Variants in ERAP1 observed in about 807,000 individuals in gnomAD.
ERAP1 encodes adipocyte-derived leucine aminopeptidase.
In ERAP1, 86 loss-of-function variants were observed where a neutral mutation model predicts 103.7. The observed-to-expected ratio is 0.83, with a 90% CI of 0.70 to 0.99. The LOEUF (loss-of-function observed/expected upper bound fraction) is 0.99, where lower values mean the gene tolerates loss of function less well. Ranked by LOEUF, ERAP1 falls within the 50% of genes least tolerant of loss-of-function variation. ERAP1 has a pLI of 0.00. For synonymous variants in ERAP1, 398 were observed against 402.4 expected (o/e 0.99, Z 0.13); for missense variants, 1,009 against 1,128.4 (o/e 0.89, Z 1.52).
At chr5:96,826,625 T>C in the ERAP1 span, among the ~76,000 whole-genome samples, 1 of 152,206 alleles carries the variant, frequency 6.6e-6, no homozygotes, top group Non-Finnish European at 1.5e-5. Context: ...TGGTGTTTTT[T>C]AGACATGCAA....
chr5:96,933,744 A>C, the ERAP1 span, among the ~76,000 whole-genome samples: 1 of 152,238 alleles, frequency 6.6e-6, no homozygotes, highest in Non-Finnish European at 1.5e-5. Context: ...AAGGAACTTC[A>C]AGGGAACATG....
the ERAP1 span, among the ~76,000 whole-genome samples, chr5:96,834,542 G>A: frequency 6.6e-6 from 1 of 152,206 alleles, no homozygotes; most frequent in Non-Finnish European, 1.5e-5. Flanking sequence ...TGAGTTTGAT[G>A]TATGTGAACT....
At chr5:96,924,367 G>A in the ERAP1 span, among the ~76,000 whole-genome samples, 2 of 152,208 alleles carry the variant, frequency 1.3e-5, no homozygotes, top group Non-Finnish European at 2.9e-5. Context: ...TCAGCTGAGA[G>A]TCAGCCAAGA....
rs770399767 is a variant in ERAP1 at position 96,780,408 on chromosome 5, A to T, written c.2670+15T>A. ...TTTATGTTTAAAAATATATATATAG[A>T]TTTTTTTTTTTTACCTCTTCAAGCC... On this transcript the variant is annotated intron_variant, in intron 18 of 18. Coordinates refer to ENST00000443439, the MANE Select transcript of ERAP1 (RefSeq NM_001040458.3). The T allele has an allele frequency of 1.4e-6, 2 of 1,387,642 alleles. No homozygotes were observed. The highest frequency in any genetic ancestry group is 2.7e-5 in the South Asian group (2 of 73,798). 86.0% of individuals were successfully genotyped at this position (1,387,642 alleles called of 1,614,324 possible). A position where few individuals can be genotyped will look rare whatever the true frequency, so the allele number is the denominator to read the frequency against.
intron 10 of ERAP1, among the ~76,000 whole-genome samples, chr5:96,790,083 C>A (rs1244230158): frequency 1.3e-5 from 2 of 152,174 alleles, no homozygotes; most frequent in East Asian, 3.8e-4. Flanking sequence ...CAGTGAGAAG[C>A]ATTACCAAGG....
At chr5:96,836,662 A>G in the ERAP1 span, among the ~76,000 whole-genome samples, 2 of 152,202 alleles carry the variant, frequency 1.3e-5, no homozygotes, top group Non-Finnish European at 2.9e-5. Flanking sequence ...ATCCCCAACC[A>G]CCAACTAATA....
the ERAP1 span, among the ~76,000 whole-genome samples, chr5:96,852,037 C>T: frequency 6.6e-6 from 1 of 152,284 alleles, no homozygotes; most frequent in African/African-American, 2.4e-5. Context: ...GGGCAAATAG[C>T]CCCCAACCCC....
chr5:96,773,982 T>C (rs1425978400), downstream of ERAP1: 1 of 152,316 alleles, frequency 6.6e-6, no homozygotes, highest in Non-Finnish European at 1.5e-5. Flanking sequence ...TCTCTGAAAG[T>C]CATGCACATA....
the ERAP1 span, chr5:96,892,445 G>A: frequency 9.9e-6 from 16 of 1,613,738 alleles, no homozygotes; most frequent in Non-Finnish European, 1.3e-5. Context: ...CCATGAACTG[G>A]CGCACCAGGT....
chr5:96,802,151 C>G (rs1778082504), intron 2 of ERAP1, among the ~76,000 whole-genome samples: 1 of 152,026 alleles, frequency 6.6e-6, no homozygotes, highest in African/African-American at 2.4e-5. Flanking sequence ...TACTTCTAGG[C>G]ATTTATTCTA....
intron 13 of ERAP1, chr5:96,784,818 T>C (rs1175497478): frequency 6.6e-6 from 1 of 152,428 alleles, no homozygotes; most frequent in East Asian, 1.9e-4. Context: ...TAGAAACCCT[T>C]CATTACAGAG....
the ERAP1 span, among the ~76,000 whole-genome samples, chr5:96,933,937 C>CT: frequency 2.6e-5 from 4 of 152,142 alleles, no homozygotes; most frequent in Admixed American, 6.5e-5. Context: ...TTCTGATTAC[C>CT]TTTCACACAT....
At chr5:96,886,826 A>C in the ERAP1 span, 3 of 1,370,206 alleles carry the variant, frequency 2.2e-6, no homozygotes, top group South Asian at 6.4e-5. Context: ...CAGTGCAGAA[A>C]AGTGTCCTGA....
chr5:96,932,352 TAGAA>T, the ERAP1 span, among the ~76,000 whole-genome samples: 35 of 152,234 alleles, frequency 2.3e-4, no homozygotes, highest in Non-Finnish European at 4.1e-4. Flanking sequence ...TCAAAATAAT[TAGAA>T]AGATCACTTA....
upstream of ERAP1, among the ~76,000 whole-genome samples, chr5:96,810,509 G>T (rs927108844): frequency 2.2e-4 from 34 of 152,322 alleles, no homozygotes; most frequent in African/African-American, 7.9e-4. Context: ...AACTTGCTCA[G>T]AGTCAAAGAG....
At chr5:96,764,391 A>G (rs1057243140) in intron 19 of ERAP1, among the ~76,000 whole-genome samples, 8 of 152,208 alleles carry the variant, frequency 5.3e-5, no homozygotes, top group Non-Finnish European at 1.2e-4. Flanking sequence ...GTTAGAGGAA[A>G]TAAGCTATCT....
chr5:96,807,606 G>T (rs1481616323), intron 1 of ERAP1, among the ~76,000 whole-genome samples: 1 of 152,068 alleles, frequency 6.6e-6, no homozygotes, highest in Non-Finnish European at 1.5e-5. Context: ...CCGCCAACCC[G>T]CCGGGCACCC....
At chr5:96,772,439 A>G (rs1317118551), downstream of ERAP1, 1 of 152,582 alleles carries the variant, frequency 6.6e-6, no homozygotes, top group Non-Finnish European at 1.5e-5. Context: ...CCTAGGAAAA[A>G]AGGAGCTATA....
chr5:96,788,814 C>T, intron 10 of ERAP1, 129 bp from the exon 11 acceptor site: 2 of 1,130,236 alleles, frequency 1.8e-6, no homozygotes, highest in Non-Finnish European at 2.6e-6. Context: ...ACTTTCTGAT[C>T]CCTTTCTCAG....
Sources: allele counts gnomAD v4.1 joint callset (sites outside exome capture counted in the v4.1 genomes callset), GRCh38; gene constraint gnomAD v4.1.1; transcripts MANE v1.5; gene names NCBI Gene and HGNC (gene_info 2026-07-23, HGNC 2026-07-21).